The following HS6ST2 variants were observed in gnomAD, a reference collection of about 807,000 sequenced individuals.
HS6ST2 encodes the protein heparan sulfate 6-O-sulfotransferase 2, also known as heparan-sulfate 6-O-sulfotransferase 2.
A neutral mutation model predicts 33.0 loss-of-function variants in HS6ST2; 17 were observed. That is an observed-to-expected ratio of 0.52 (90% CI 0.35 to 0.77). HS6ST2 has a LOEUF of 0.77. Ranked by LOEUF, HS6ST2 falls within the 30% of genes least tolerant of loss-of-function variation. The probability of loss-of-function intolerance (pLI) is 0.01; values close to 1 mark genes in which losing one functional copy is unlikely to be tolerated. For synonymous variants in HS6ST2, 248 were observed against 237.1 expected (o/e 1.05, Z -0.42); for missense variants, 519 against 551.7 (o/e 0.94, Z 0.59).
chrX:132,888,482 A>C (rs1452091531), intron 2 of HS6ST2, among the ~76,000 whole-genome samples: 1 of 111,987 alleles, frequency 8.9e-6, no homozygotes, highest in Non-Finnish European at 1.9e-5. Context: ...TATGAGAGTT[A>C]CAATTCAAGA....
At chrX:132,922,522 G>A (rs998306112) in intron 2 of HS6ST2, among the ~76,000 whole-genome samples, 7 of 111,751 alleles carry the variant, frequency 6.3e-5, no homozygotes, top group Non-Finnish European at 7.5e-5. Flanking sequence ...CCTTTTGGCA[G>A]AGTGTCAATG....
In HS6ST2 at chrX:132,957,092, G is replaced by A; in HGVS notation, c.663C>T (p.Phe221=). The part of the protein sequence containing the change: ...TRGDLLRKVD[F]DIKGDDLIVF... ...CGATCAGGTCATCGCCCTTGATGTC[G>A]AAGTCTACCTTGCGCAGGAGGTCGC... Residue 221 remains phenylalanine (F), a synonymous_variant, in exon 2 of 5, where the codon TTC becomes TTT. Coordinates refer to ENST00000370833, the MANE Select transcript of HS6ST2 (RefSeq NM_001394073.1). 1 of 1,211,707 alleles carries A rather than the reference G, an allele frequency of 8.3e-7. No homozygotes were observed. The highest frequency in any genetic ancestry group is 1.1e-6 in the Non-Finnish European group (1 of 895,471).
chrX:132,721,262 T>C (rs1056492583), intron 2 of HS6ST2, among the ~76,000 whole-genome samples: 1 of 111,525 alleles, frequency 9.0e-6, no homozygotes, highest in Non-Finnish European at 1.9e-5. Context: ...AAGCTAGAAA[T>C]AAAAAATGAG....
chrX:132,874,534 C>T (rs2066092300), intron 2 of HS6ST2, among the ~76,000 whole-genome samples: 1 of 111,554 alleles, frequency 9.0e-6, no homozygotes, highest in Non-Finnish European at 1.9e-5. Flanking sequence ...GGAGATCATG[C>T]CACTGCACTC....
chrX:132,698,029 T>C (rs1229887846), intron 3 of HS6ST2, among the ~76,000 whole-genome samples: 2 of 111,910 alleles, frequency 1.8e-5, no homozygotes, highest in African/African-American at 6.5e-5. Context: ...TAGATATCAC[T>C]TAAGTTAGTA....
intron 3 of HS6ST2, among the ~76,000 whole-genome samples, chrX:132,702,912 A>G (rs2064157141): frequency 8.9e-6 from 1 of 112,217 alleles, no homozygotes; most frequent in South Asian, 3.7e-4. Context: ...CAATAGATAC[A>G]TATTGAATGA....
rs935367679 is a variant in HS6ST2 at position 132,825,502 on chromosome X, G to T, written c.948-117008C>A. ...AAACACAGAGATCACTGCTTCCAAC[G>T]TTCTCAGGAGCATATCTCCTGATGG... On this transcript the variant is annotated intron_variant, in intron 2 of 4. Coordinates refer to ENST00000370833, the MANE Select transcript of HS6ST2 (RefSeq NM_001394073.1). Among the ~76,000 whole-genome samples, 9 of 111,276 alleles carry T rather than the reference G, an allele frequency of 8.1e-5. No individual in the cohort carries two copies. In the Admixed American group the frequency reaches 8.6e-4, roughly 11 times the overall value.
At chrX:132,770,519 G>A (rs1412698158) in intron 2 of HS6ST2, among the ~76,000 whole-genome samples, 5 of 111,741 alleles carry the variant, frequency 4.5e-5, no homozygotes, top group Admixed American at 9.5e-5. Flanking sequence ...ATTTATAAAC[G>A]TATGTAAATA....
chrX:132,960,678 T>C (rs1418530102), upstream of HS6ST2, among the ~76,000 whole-genome samples: 2 of 111,281 alleles, frequency 1.8e-5, no homozygotes, highest in Admixed American at 1.9e-4. Flanking sequence ...GTGAGGTTGG[T>C]AGTTGCAGAG....
intron 2 of HS6ST2, among the ~76,000 whole-genome samples, chrX:132,726,030 G>T (rs1602615031): frequency 9.1e-6 from 1 of 110,149 alleles, no homozygotes; most frequent in African/African-American, 3.3e-5. Flanking sequence ...GTGGAGGGGG[G>T]TAGGGGGAAG....
chrX:132,641,269 G>A (rs1198635099), intron 4 of HS6ST2, among the ~76,000 whole-genome samples: 1 of 112,047 alleles, frequency 8.9e-6, no homozygotes, highest in Non-Finnish European at 1.9e-5. Flanking sequence ...TTAGCCTCCC[G>A]AGTAGCTGGG....
intron 2 of HS6ST2, among the ~76,000 whole-genome samples, chrX:132,955,799 A>T (rs182530021): frequency 8.9e-6 from 1 of 112,952 alleles, no homozygotes; most frequent in African/African-American, 3.2e-5. Context: ...TAGCAACTGG[A>T]CATCGCGTCT....
At position 132,754,722 on chromosome X, in the gene HS6ST2, CT is replaced by C. The variant is rs1182029616; in HGVS notation, c.948-46229del. Among the ~76,000 whole-genome samples the C allele has an allele frequency of 8.6e-3, 924 of 106,954 alleles. 8 individuals are homozygous for C. The highest frequency in any genetic ancestry group is 0.012 in the Non-Finnish European group (631 of 51,647). 92.9% of individuals were successfully genotyped at this position (106,954 alleles called of 115,157 possible). On this transcript the variant is annotated intron_variant, in intron 2 of 4. Coordinates refer to ENST00000370833, the MANE Select transcript of HS6ST2 (RefSeq NM_001394073.1). ...TGAGCCACCACACCCGGCCTGCACC[CT>C]TTTTTTTTGACAGGATCTTGCTCTG...
At chrX:132,829,484 C>T (rs2065567043) in intron 2 of HS6ST2, among the ~76,000 whole-genome samples, 1 of 108,679 alleles carries the variant, frequency 9.2e-6, no homozygotes, top group Non-Finnish European at 1.9e-5. Context: ...ATTCCCCAAG[C>T]CTATGCACTG....
chrX:132,881,478 GT>G (rs1168989558), intron 2 of HS6ST2, among the ~76,000 whole-genome samples: 2 of 19,428 alleles, frequency 1.0e-4, no homozygotes, highest in Non-Finnish European at 1.8e-4. Flanking sequence ...GGGGTTGTTT[GT>G]TTTTCTTGTA....
chrX:132,710,874 CAG>C (rs1404232509), intron 2 of HS6ST2, among the ~76,000 whole-genome samples: 1 of 111,446 alleles, frequency 9.0e-6, no homozygotes, highest in African/African-American at 3.3e-5. Context: ...CACATCCCAA[CAG>C]AGTCTTTCTC....
chrX:132,687,741 C>T (rs988220176), intron 3 of HS6ST2, among the ~76,000 whole-genome samples: 5 of 109,458 alleles, frequency 4.6e-5, no homozygotes, highest in Non-Finnish European at 7.6e-5. Context: ...AAACAGAAGA[C>T]ACTAGTCAAC....
chrX:132,838,422 G>T (rs144449131), intron 2 of HS6ST2, among the ~76,000 whole-genome samples: 1 of 111,841 alleles, frequency 8.9e-6, no homozygotes, highest in Non-Finnish European at 1.9e-5. Context: ...GGAGCTATGA[G>T]ATCTCCAAAT....
chrX:132,644,562 A>ATTTCTC (rs1214149773), intron 4 of HS6ST2, among the ~76,000 whole-genome samples: 1 of 110,812 alleles, frequency 9.0e-6, no homozygotes, highest in Non-Finnish European at 1.9e-5. Flanking sequence ...TGCATACTCC[A>ATTTCTC]TTTCTCTTAT....
Sources: gnomAD v4.1 joint callset for allele counts (sites outside exome capture counted in the v4.1 genomes callset) on GRCh38, gnomAD v4.1.1 for gene constraint, MANE v1.5 for transcripts, NCBI Gene and HGNC (gene_info 2026-07-23, HGNC 2026-07-21) for gene names.